CNTN6: variants seen among roughly 807,000 people sequenced by gnomAD.
CNTN6 encodes the protein contactin-6.
CNTN6 carries 137 observed loss-of-function variants against 122.8 expected under a neutral mutation model. The observed-to-expected ratio is 1.12, with a 90% CI of 0.97 to 1.29. The LOEUF (loss-of-function observed/expected upper bound fraction) is 1.29, where lower values mean the gene tolerates loss of function less well. Ranked by LOEUF, CNTN6 falls within the 50% of genes most tolerant of loss-of-function variation. The probability of loss-of-function intolerance (pLI) is 0.00; values close to 1 mark genes in which losing one functional copy is unlikely to be tolerated. For missense variants in CNTN6, 1,634 were observed against 1,223.4 expected, an observed-to-expected ratio of 1.34 and a Z score of -5.01; for synonymous variants, 570 against 426.0, an observed-to-expected ratio of 1.34 and a Z score of -4.16.
chr3:1,300,491 G>A (rs1396838053), intron 7 of CNTN6, among the ~76,000 whole-genome samples: 35 of 110,522 alleles, frequency 3.2e-4, no homozygotes, highest in African/African-American at 1.9e-3. Flanking sequence ...AAGGAAGGAA[G>A]GAAAAAGAAA....
intron 5 of CNTN6, among the ~76,000 whole-genome samples, chr3:1,283,598 T>G (rs983860668): frequency 6.6e-6 from 1 of 152,168 alleles, no homozygotes; most frequent in Non-Finnish European, 1.5e-5. Flanking sequence ...AATGACAGAA[T>G]GAAGCAACGA....
At chr3:1,207,440 C>T (rs891330762) in intron 2 of CNTN6, among the ~76,000 whole-genome samples, 15 of 152,170 alleles carry the variant, frequency 9.9e-5, no homozygotes, top group East Asian at 5.8e-4. Context: ...AGGGGTTTGA[C>T]GCTTGCTGTT....
At chr3:1,230,262 T>G (rs1375517495) in intron 4 of CNTN6, among the ~76,000 whole-genome samples, 1 of 152,150 alleles carries the variant, frequency 6.6e-6, no homozygotes, top group Non-Finnish European at 1.5e-5. Flanking sequence ...TCTAGTGGTA[T>G]GAAATTAGGT....
chr3:1,127,556 T>A (rs17034047), intron 1 of CNTN6, among the ~76,000 whole-genome samples: 15,803 of 151,836 alleles, frequency 0.1, 1,017 homozygotes, highest in African/African-American at 0.18. Context: ...ATGATAACAC[T>A]AGCCAATAAT....
At chr3:1,374,116 G>T in intron 16 of CNTN6, 43 bp downstream of exon 16, 1 of 1,550,670 alleles carries the variant, frequency 6.4e-7, no homozygotes, top group African/African-American at 1.4e-5. Flanking sequence ...GATTTCGTAT[G>T]ATACAGTTCT....
At chr3:1,303,428 G>T (rs1409642167) in intron 7 of CNTN6, among the ~76,000 whole-genome samples, 2 of 152,128 alleles carry the variant, frequency 1.3e-5, no homozygotes, top group African/African-American at 4.8e-5. Flanking sequence ...GCTAGGGTTA[G>T]ACTGTAATTA....
chr3:1,199,493 T>C (rs540384349), intron 2 of CNTN6, among the ~76,000 whole-genome samples: 68 of 152,258 alleles, frequency 4.5e-4, no homozygotes, highest in African/African-American at 1.6e-3. Flanking sequence ...TTTGTTGTTT[T>C]AAGCCACCTA....
At position 1,322,995 on chromosome 3, in the gene CNTN6, G is replaced by A. The variant is rs957334498; in HGVS notation, c.946+1161G>A. Among the ~76,000 whole-genome samples the A allele has an allele frequency of 4.6e-4, 70 of 151,474 alleles. 1 individual carries two copies. The highest frequency in any genetic ancestry group is 1.6e-3 in the African/African-American group (67 of 41,288). On this transcript the variant is annotated intron_variant, in intron 8 of 22. Transcript: ENST00000446702. ...GTAGAATGAAGATATTGAATGCTTT[G>A]GCTAGTTTTAAAGAAATATTTTCCA... is the stretch of plus-strand genomic sequence containing the variant.
At chr3:1,160,723 T>C (rs2093113823) in intron 2 of CNTN6, among the ~76,000 whole-genome samples, 1 of 151,318 alleles carries the variant, frequency 6.6e-6, no homozygotes, top group Middle Eastern at 3.2e-3. Context: ...GAATTTGTGG[T>C]AGTGTTTTTA....
At position 1,264,548 on chromosome 3, in the gene CNTN6, C is replaced by T. The variant is rs566550390; in HGVS notation, c.359-13865C>T. On this transcript the variant is annotated intron_variant, in intron 4 of 22. Coordinates refer to ENST00000446702, the MANE Select transcript of CNTN6 (RefSeq NM_001289080.2). ...AACCTATAACTTAAACCAGCTTCAT[C>T]TGTATTTTTAAAATTATTTTTAAAT... 2.6e-5 allele frequency among the ~76,000 whole-genome samples: 4 copies of T among 152,032 alleles called. No homozygotes were observed. In the South Asian group the frequency reaches 8.3e-4, roughly 32 times the overall value.
At position 1,382,973 on chromosome 3, in the gene CNTN6, G is replaced by C; in HGVS notation, c.2198G>C (p.Gly733Ala). The C allele has an allele frequency of 6.2e-7, 1 of 1,614,016 alleles. No homozygotes were observed. ...CCAGAAGAACTGCAGAATGGGGAGG[G>C]ATTTGGATATATCATCATGTTCCGG... The part of the protein sequence containing the change: ...SIPEELQNGE[G>A]FGYIIMFRPV... The change falls in exon 18 of 23, where the codon GGA becomes GCA. Residue 733 changes from glycine to alanine, a missense_variant. Transcript: ENST00000446702.
intron 7 of CNTN6, among the ~76,000 whole-genome samples, chr3:1,309,213 C>G (rs1013518810): frequency 6.6e-6 from 1 of 152,040 alleles, no homozygotes; most frequent in Non-Finnish European, 1.5e-5. Flanking sequence ...TCACTATATC[C>G]AAGGTTACCT....
At chr3:1,131,335 T>C (rs2092330460) in intron 1 of CNTN6, among the ~76,000 whole-genome samples, 1 of 152,108 alleles carries the variant, frequency 6.6e-6, no homozygotes, top group Non-Finnish European at 1.5e-5. Context: ...GAGGTACTCA[T>C]TGATACCAGC....
chr3:1,400,177 G>C (rs572177464), intron 20 of CNTN6, among the ~76,000 whole-genome samples: 1 of 152,196 alleles, frequency 6.6e-6, no homozygotes, highest in East Asian at 1.9e-4. Context: ...ATTCAAAAGA[G>C]ATGCCAAAAA....
chr3:1,110,140 A>T (rs1198320885), intron 1 of CNTN6, among the ~76,000 whole-genome samples: 3 of 151,018 alleles, frequency 2.0e-5, no homozygotes, highest in African/African-American at 7.4e-5. Flanking sequence ...CATCAGGTGC[A>T]TTCAAAAGGC....
chr3:1,387,490 T>A (rs1373027663), intron 20 of CNTN6, among the ~76,000 whole-genome samples: 1 of 152,200 alleles, frequency 6.6e-6, no homozygotes, highest in Non-Finnish European at 1.5e-5. Flanking sequence ...CAATCAGCAG[T>A]TTTCAGATTA....
intron 4 of CNTN6, among the ~76,000 whole-genome samples, chr3:1,229,289 G>A (rs1442738060): frequency 6.6e-6 from 1 of 152,090 alleles, no homozygotes; most frequent in East Asian, 1.9e-4. Flanking sequence ...TTATGTTATA[G>A]AAATAAAGAA....
At chr3:1,234,153 C>G (rs1164775196) in intron 4 of CNTN6, among the ~76,000 whole-genome samples, 1 of 152,100 alleles carries the variant, frequency 6.6e-6, no homozygotes, top group Non-Finnish European at 1.5e-5. Flanking sequence ...GTCAACTAAC[C>G]TACAGCAGAC....
chr3:1,403,491 C>T lies in CNTN6; in HGVS notation c.*73C>T. ...TGTATATATGCTCTCCAGCCTCTGACACAAGATGCGTTCTTAATACAGACT... is the reference window on the plus strand; with the variant it reads ...TGTATATATGCTCTCCAGCCTCTGATACAAGATGCGTTCTTAATACAGACT... On this transcript the variant is annotated 3_prime_UTR_variant, in exon 23 of 23. Coordinates refer to ENST00000446702, the MANE Select transcript of CNTN6 (RefSeq NM_001289080.2). 1.2e-6 allele frequency: 1 copy of T among 866,000 alleles called. No individual in the cohort carries two copies. Among genetic ancestry groups the T allele is most frequent in the Non-Finnish European group, 1.9e-6 (1 of 539,514 alleles). The allele number at this position is 866,000 out of a possible 1,614,324, so 53.6% of individuals were successfully genotyped here. A position where few individuals can be genotyped will look rare whatever the true frequency, so the allele number is the denominator to read the frequency against.
Sources: gnomAD v4.1 joint callset for allele counts (sites outside exome capture counted in the v4.1 genomes callset) on GRCh38, gnomAD v4.1.1 for gene constraint, MANE v1.5 for transcripts, NCBI Gene and HGNC (gene_info 2026-07-23, HGNC 2026-07-21) for gene names.